Variants in ZNF407 observed in about 807,000 individuals in gnomAD.
ZNF407 encodes zinc finger protein 407.
A neutral mutation model predicts 131.2 loss-of-function variants in ZNF407; 17 were observed. The ratio of observed to expected loss-of-function variants is 0.13; its 90% CI spans 0.09 to 0.19. The LOEUF (loss-of-function observed/expected upper bound fraction) is 0.19, where lower values mean the gene tolerates loss of function less well. Among genes scored for constraint, ZNF407 ranks in the 10% least tolerant of loss-of-function variants. The probability of loss-of-function intolerance (pLI) is 1.00; values close to 1 mark genes in which losing one functional copy is unlikely to be tolerated. For missense variants in ZNF407, 2,681 were observed against 2,830.6 expected, an observed-to-expected ratio of 0.95 and a Z score of 1.20; for synonymous variants, 1,156 against 1,062.0, an observed-to-expected ratio of 1.09 and a Z score of -1.72.
intron 3 of ZNF407, among the ~76,000 whole-genome samples, chr18:74,710,005 GA>G (rs1249184500): frequency 3.3e-5 from 5 of 151,886 alleles, no homozygotes; most frequent in African/African-American, 1.2e-4. Context: ...ATTTTGACCT[GA>G]AAAAAATGTC....
chr18:74,629,156 C>T (rs1007661170), intron 1 of ZNF407, among the ~76,000 whole-genome samples: 6 of 152,164 alleles, frequency 3.9e-5, no homozygotes, highest in Non-Finnish European at 8.8e-5. Context: ...GTGGCTGCAC[C>T]ATTTTACATT....
chr18:74,903,218 T>C (rs1365192252), intron 7 of ZNF407, among the ~76,000 whole-genome samples: 4 of 152,178 alleles, frequency 2.6e-5, no homozygotes, highest in Non-Finnish European at 5.9e-5. Flanking sequence ...CTCAGAAATA[T>C]TGTGAAACAT....
intron 4 of ZNF407, among the ~76,000 whole-genome samples, chr18:74,834,226 A>G (rs1204085704): frequency 1.3e-5 from 2 of 152,206 alleles, no homozygotes; most frequent in Non-Finnish European, 2.9e-5. Flanking sequence ...CACAATATGG[A>G]TAAAATTTTC....
At position 74,920,854 on chromosome 18, in the gene ZNF407, A is replaced by C. The variant is rs1363967041; in HGVS notation, c.5428+162A>C. ...GAAAAGTACATTCCAGTTTGATCCCACTCAACTATGAAAACAGGACTTTTC... is the reference window on the plus strand; with the variant it reads ...GAAAAGTACATTCCAGTTTGATCCCCCTCAACTATGAAAACAGGACTTTTC... On this transcript the variant is annotated intron_variant, in intron 8 of 8. Transcript: ENST00000299687. 6 of 1,276,404 alleles carry C rather than the reference A, an allele frequency of 4.7e-6. No homozygotes were observed. In the East Asian group the frequency reaches 1.5e-4, roughly 31 times the overall value. 79.1% of individuals were successfully genotyped at this position (1,276,404 alleles called of 1,614,324 possible).
chr18:74,687,933 T>C (rs1026217992), intron 3 of ZNF407, among the ~76,000 whole-genome samples: 1 of 152,174 alleles, frequency 6.6e-6, no homozygotes, highest in African/African-American at 2.4e-5. Flanking sequence ...TTGTAGTAAT[T>C]ATAGAATGCT....
intron 8 of ZNF407, among the ~76,000 whole-genome samples, chr18:75,004,555 A>T (rs1972885357): frequency 6.6e-6 from 1 of 152,100 alleles, no homozygotes; most frequent in Non-Finnish European, 1.5e-5. Context: ...CACTCAGCCT[A>T]TCAAGCGAGT....
At chr18:74,740,120 A>G (rs1192368658) in intron 3 of ZNF407, among the ~76,000 whole-genome samples, 6 of 152,184 alleles carry the variant, frequency 3.9e-5, no homozygotes, top group Admixed American at 6.5e-5. Flanking sequence ...GCTGAAATCC[A>G]GACGACCTCA....
At chr18:74,972,551 T>C (rs1158727641) in intron 8 of ZNF407, among the ~76,000 whole-genome samples, 1 of 152,240 alleles carries the variant, frequency 6.6e-6, no homozygotes, top group Non-Finnish European at 1.5e-5. Context: ...TCAGAGCTGC[T>C]CAAATCTGGA....
intron 5 of ZNF407, among the ~76,000 whole-genome samples, chr18:74,879,386 C>T (rs1322675210): frequency 3.9e-5 from 6 of 152,200 alleles, no homozygotes; most frequent in South Asian, 2.1e-4. Flanking sequence ...ACTCCTCACA[C>T]GCACAGCAGG....
chr18:75,050,382 A>C (rs1461950401), intron 8 of ZNF407, among the ~76,000 whole-genome samples: 7 of 152,230 alleles, frequency 4.6e-5, no homozygotes, highest in African/African-American at 1.7e-4. Flanking sequence ...AAAGTCTAAA[A>C]TTTTATCCAG....
intron 1 of ZNF407, among the ~76,000 whole-genome samples, chr18:74,599,812 T>C (rs1460867667): frequency 6.6e-6 from 1 of 152,222 alleles, no homozygotes; most frequent in Non-Finnish European, 1.5e-5. Flanking sequence ...GTATCCCAGA[T>C]AGTGAGAAGA....
At chr18:74,729,361 G>A (rs957227588) in intron 3 of ZNF407, among the ~76,000 whole-genome samples, 1 of 152,152 alleles carries the variant, frequency 6.6e-6, no homozygotes, top group African/African-American at 2.4e-5. Context: ...CACTCTTGTA[G>A]TTAGCTTGAT....
At chr18:75,039,868 T>G (rs1973352614) in intron 8 of ZNF407, among the ~76,000 whole-genome samples, 1 of 149,512 alleles carries the variant, frequency 6.7e-6, no homozygotes, top group Non-Finnish European at 1.5e-5. Flanking sequence ...CCTAGAGAAT[T>G]TTTTTTTTTG....
intron 3 of ZNF407, among the ~76,000 whole-genome samples, chr18:74,706,268 T>C (rs909190947): frequency 2.6e-5 from 4 of 152,252 alleles, no homozygotes; most frequent in Non-Finnish European, 4.4e-5. Flanking sequence ...ACTAGACTTT[T>C]GTTCAAAGCT....
intron 8 of ZNF407, among the ~76,000 whole-genome samples, chr18:74,941,800 C>G (rs964826157): frequency 2.0e-5 from 3 of 152,114 alleles, no homozygotes; most frequent in African/African-American, 7.2e-5. Flanking sequence ...GAAAAACTTT[C>G]GCAACAACGG....
At chr18:74,663,378 AT>A (rs1358175790) in intron 3 of ZNF407, among the ~76,000 whole-genome samples, 1 of 152,154 alleles carries the variant, frequency 6.6e-6, no homozygotes, top group Non-Finnish European at 1.5e-5. Context: ...AGTTTATCAC[AT>A]TTTTAATGAC....
intron 3 of ZNF407, among the ~76,000 whole-genome samples, chr18:74,725,852 A>G (rs1968144617): frequency 6.6e-6 from 1 of 152,254 alleles, no homozygotes; most frequent in Admixed American, 6.5e-5. Context: ...CGATAGTCAC[A>G]CAAAACTGAT....
intron 8 of ZNF407, among the ~76,000 whole-genome samples, chr18:74,932,715 T>C (rs560798230): frequency 6.6e-6 from 1 of 152,338 alleles, no homozygotes; most frequent in East Asian, 1.9e-4. Context: ...GTGTTCACTT[T>C]TTGTGTATGA....
intron 3 of ZNF407, among the ~76,000 whole-genome samples, chr18:74,718,401 A>G (rs181130065): frequency 2.0e-5 from 3 of 152,026 alleles, no homozygotes; most frequent in Admixed American, 1.3e-4. Flanking sequence ...GTGCGTGCCT[A>G]TAGTCCCAGC....
Sources: allele counts gnomAD v4.1 joint callset (sites outside exome capture counted in the v4.1 genomes callset), GRCh38; gene constraint gnomAD v4.1.1; transcripts MANE v1.5; gene names NCBI Gene and HGNC (gene_info 2026-07-23, HGNC 2026-07-21).